MEI4: variants seen among roughly 807,000 people sequenced by gnomAD.
The protein encoded by MEI4 is meiotic double-stranded break formation protein 4, also known as meiosis-specific protein MEI4.
A neutral mutation model predicts 31.4 loss-of-function variants in MEI4; 27 were observed. The ratio of observed to expected loss-of-function variants is 0.86; its 90% CI spans 0.63 to 1.19. The LOEUF (loss-of-function observed/expected upper bound fraction) is 1.19. MEI4 is among the 50% of genes most tolerant of loss of function. MEI4 has a pLI of 0.00. For missense variants in MEI4, 329 were observed against 398.9 expected (o/e 0.82, Z 1.49); for synonymous variants, 122 against 145.4 (o/e 0.84, Z 1.16).
rs1445147700 is a variant in MEI4 at position 77,925,821 on chromosome 6, T to C, written c.*2475T>C. 1.3e-5 allele frequency: 2 copies of C among 148,166 alleles called. No individual in the cohort carries two copies. Among genetic ancestry groups the C allele is most frequent in the Non-Finnish European group, 1.5e-5 (1 of 67,204 alleles). The allele number at this position is 148,166 out of a possible 1,614,324, so 9.2% of individuals were successfully genotyped here. On this transcript the variant is annotated 3_prime_UTR_variant, in exon 5 of 5. Transcript: ENST00000684080. The stretch of plus-strand genomic sequence containing the variant: ...ATATATTAAATATTTTATATACATT[T>C]ATATAATAAAATATATGAATAAGTA...
rs1001993913 is a variant in MEI4 at position 77,895,161 on chromosome 6, TA to T, written c.901-27926del. 1.6e-3 allele frequency among the ~76,000 whole-genome samples: 242 copies of T among 152,288 alleles called. 2 individuals are homozygous for T. The highest frequency in any genetic ancestry group is 5.5e-3 in the African/African-American group (230 of 41,570). On this transcript the variant is annotated intron_variant, in intron 4 of 4. Coordinates refer to ENST00000684080, the MANE Select transcript of MEI4 (RefSeq NM_001322247.2). Reference sequence around the variant, plus strand: ...CTATACGTATCTTCTTTCAGAGATGTAAGTATAAATGTAAGTGATTATAGTC... The same window carrying T: ...CTATACGTATCTTCTTTCAGAGATGTAGTATAAATGTAAGTGATTATAGTC...
intron 2 of MEI4, among the ~76,000 whole-genome samples, chr6:77,744,764 C>T (rs575583278): frequency 6.6e-5 from 10 of 152,126 alleles, no homozygotes; most frequent in African/African-American, 1.9e-4. Context: ...GACTAACAGT[C>T]GATCTCTCGG....
chr6:77,822,158 G>A (rs1001044775), intron 3 of MEI4, among the ~76,000 whole-genome samples: 48 of 151,834 alleles, frequency 3.2e-4, no homozygotes, highest in Admixed American at 2.6e-3. Context: ...GATTTATTTC[G>A]TGTTAAGATA....
intron 3 of MEI4, among the ~76,000 whole-genome samples, chr6:77,802,275 A>C (rs1266706244): frequency 1.3e-5 from 2 of 152,140 alleles, no homozygotes; most frequent in African/African-American, 2.4e-5. Flanking sequence ...CTGTTTTATC[A>C]GAGACTAGGA....
At chr6:77,660,666 G>A (rs1768488034) in intron 1 of MEI4, among the ~76,000 whole-genome samples, 1 of 152,088 alleles carries the variant, frequency 6.6e-6, no homozygotes, top group African/African-American at 2.4e-5. Context: ...GCTCATAAGG[G>A]TTATTACTGT....
At chr6:77,811,549 A>G (rs1849443) in intron 3 of MEI4, among the ~76,000 whole-genome samples, 126,464 of 152,048 alleles carry the variant, frequency 0.83, 53,084 homozygotes, top group East Asian at 0.95. Context: ...AGGCTGAGGC[A>G]GATGGATCAC....
At chr6:77,753,239 A>G (rs1253777893) in intron 2 of MEI4, among the ~76,000 whole-genome samples, 1 of 152,226 alleles carries the variant, frequency 6.6e-6, no homozygotes, top group Non-Finnish European at 1.5e-5. Context: ...AACAAAAGCC[A>G]AAATAGACAA....
chr6:77,735,795 C>G (rs925448586), intron 2 of MEI4, among the ~76,000 whole-genome samples: 1 of 151,958 alleles, frequency 6.6e-6, no homozygotes, highest in East Asian at 1.9e-4. Flanking sequence ...ATGATGGTGA[C>G]GTACAGATGG....
intron 2 of MEI4, among the ~76,000 whole-genome samples, chr6:77,726,712 G>C (rs1766831942): frequency 6.6e-6 from 1 of 152,172 alleles, no homozygotes; most frequent in Non-Finnish European, 1.5e-5. Context: ...AACTAAAACA[G>C]GAAAATCTGC....
In MEI4 at chr6:77,803,963, G is replaced by T. The variant is rs147841154; in HGVS notation, c.769-24968G>T. Among the ~76,000 whole-genome samples the T allele has an allele frequency of 2.3e-3, 343 of 152,284 alleles. 3 individuals carry two copies. The highest frequency in any genetic ancestry group is 2.7e-3 in the Non-Finnish European group (183 of 68,022). On this transcript the variant is annotated intron_variant, in intron 3 of 4. Transcript: ENST00000684080. ...CCGTCTGTCCATTCTCAGATCTCCA[G>T]TTGCGTGCTGGGAGAACCACTGCTC... is the stretch of plus-strand genomic sequence containing the variant.
At chr6:77,876,598 G>A (rs754823410) in intron 4 of MEI4, among the ~76,000 whole-genome samples, 3 of 152,040 alleles carry the variant, frequency 2.0e-5, no homozygotes, top group African/African-American at 4.8e-5. Context: ...AACCCATTGT[G>A]GTTTAAATAA....
intron 2 of MEI4, among the ~76,000 whole-genome samples, chr6:77,753,469 G>A (rs529824017): frequency 5.9e-5 from 9 of 152,188 alleles, no homozygotes; most frequent in Admixed American, 3.9e-4. Flanking sequence ...TCAAAAGAAG[G>A]CATTTATGCA....
At chr6:77,821,261 T>A (rs540936750) in intron 3 of MEI4, among the ~76,000 whole-genome samples, 210 of 152,328 alleles carry the variant, frequency 1.4e-3, no homozygotes, top group African/African-American at 4.4e-3. Flanking sequence ...AAAAATTTTT[T>A]ATTATTTAAC....
At position 77,820,552 on chromosome 6, in the gene MEI4, C is replaced by T. The variant is rs572894016; in HGVS notation, c.769-8379C>T. Among the ~76,000 whole-genome samples, 36 of 152,304 alleles carry T rather than the reference C, an allele frequency of 2.4e-4. No homozygotes were observed. Among genetic ancestry groups the T allele is most frequent in the African/African-American group, 8.4e-4 (35 of 41,568 alleles). ...AATTGCTGGGATTACAGTCATGAGCCACTGTGCCCGGCCGGTTTTCTTTTT... is the reference window on the plus strand; with the variant it reads ...AATTGCTGGGATTACAGTCATGAGCTACTGTGCCCGGCCGGTTTTCTTTTT... On this transcript the variant is annotated intron_variant, in intron 3 of 4. Transcript: ENST00000684080. This position sits in a 1 kb window ranked among gnomAD's most constrained non-coding sequence, Gnocchi z 4.5.
At position 77,867,130 on chromosome 6, in the gene MEI4, A is replaced by T. The variant is rs113879806; in HGVS notation, c.900+38068A>T. 9.1e-3 allele frequency among the ~76,000 whole-genome samples: 1,389 copies of T among 152,308 alleles called. 17 individuals carry two copies. The highest frequency in any genetic ancestry group is 0.031 in the African/African-American group (1,286 of 41,564). On this transcript the variant is annotated intron_variant, in intron 4 of 4. Transcript: ENST00000684080. ...TAAAACCATAAAAACCCTAGAAGAA[A>T]ACCTAGGCATTACCATTCAGGACAT... is the stretch of plus-strand genomic sequence containing the variant.
intron 2 of MEI4, among the ~76,000 whole-genome samples, chr6:77,733,878 G>A (rs183994989): frequency 1.7e-4 from 26 of 152,040 alleles, no homozygotes; most frequent in African/African-American, 5.1e-4. Flanking sequence ...CCTTCATTTT[G>A]TTATGTACCC....
intron 2 of MEI4, among the ~76,000 whole-genome samples, chr6:77,758,126 G>T (rs1767957198): frequency 7.1e-6 from 1 of 141,460 alleles, no homozygotes; most frequent in Non-Finnish European, 1.5e-5. Context: ...CTGCACTCCA[G>T]CTTGGTGACA....
At chr6:77,736,127 C>T (rs13197763) in intron 2 of MEI4, among the ~76,000 whole-genome samples, 14,458 of 152,144 alleles carry the variant, frequency 0.095, 834 homozygotes, top group South Asian at 0.18. Context: ...CCTACAGAGG[C>T]AGGCAGGCCT....
intron 3 of MEI4, among the ~76,000 whole-genome samples, chr6:77,764,340 G>T (rs1440509063): frequency 6.6e-6 from 1 of 151,788 alleles, no homozygotes; most frequent in East Asian, 1.9e-4. Context: ...TTCTGATTTT[G>T]TCTTCTTTTT....
Sources: gnomAD v4.1 joint callset for allele counts (sites outside exome capture counted in the v4.1 genomes callset) on GRCh38, gnomAD v4.1.1 for gene constraint, Gnocchi (gnomAD v3.1) non-coding constraint, MANE v1.5 for transcripts, NCBI Gene and HGNC (gene_info 2026-07-23, HGNC 2026-07-21) for gene names.